H2BC18: variants seen among roughly 807,000 people sequenced by gnomAD.
H2BC18 encodes the protein H2B clustered histone 18, also known as histone H2B type 2-F.
A neutral mutation model predicts 6.3 loss-of-function variants in H2BC18; 8 were observed. The ratio of observed to expected loss-of-function variants is 1.28; its 90% CI spans 0.75 to 2.31. H2BC18 has a LOEUF of 2.31. Among genes scored for constraint, H2BC18 ranks in the 30% most tolerant of loss-of-function variants. The pLI, the probability that H2BC18 is intolerant of heterozygous loss-of-function variation, is 0.00. For missense variants in H2BC18, 106 were observed against 174.5 expected (o/e 0.61, Z 2.21); for synonymous variants, 104 against 78.1 (o/e 1.33, Z -1.75).
chr1:149,807,531 C>G (rs1238792560), downstream of H2BC18, among the ~76,000 whole-genome samples: 6 of 20,598 alleles, frequency 2.9e-4, no homozygotes, highest in Non-Finnish European at 4.4e-4. Context: ...GGGGGGCGGG[C>G]ATGGTGGTAC....
chr1:149,803,379 T>C (rs2788801), intron 1 of H2BC18, among the ~76,000 whole-genome samples: 1 of 152,238 alleles, frequency 6.6e-6, no homozygotes, highest in Non-Finnish European at 1.5e-5. Context: ...TACCCTCTGG[T>C]AATTTGCAGT....
chr1:149,797,716 GCCTC>G (rs1207746797), intron 1 of H2BC18, among the ~76,000 whole-genome samples: 1 of 152,060 alleles, frequency 6.6e-6, no homozygotes, highest in Non-Finnish European at 1.5e-5. Context: ...TCCTGCCTCG[GCCTC>G]CCTAGCAGTT....
At chr1:149,808,663 T>C (rs2091945725), downstream of H2BC18, among the ~76,000 whole-genome samples, 1 of 152,268 alleles carries the variant, frequency 6.6e-6, no homozygotes, top group African/African-American at 2.4e-5. Context: ...GGTCTACTTT[T>C]ACTTTTCAAA....
At chr1:149,786,254 TA>T (rs1459173739) in intron 1 of H2BC18, 5 of 152,220 alleles carry the variant, frequency 3.3e-5, no homozygotes, top group African/African-American at 4.8e-5. Flanking sequence ...TCCTTTTTTG[TA>T]AGGTCTTTTT....
chr1:149,811,794 G>A (rs2101506166), downstream of H2BC18: 3 of 688,064 alleles, frequency 4.4e-6, no homozygotes, highest in Admixed American at 2.9e-5. Context: ...AAACCCGAAT[G>A]CATCCGTGAC....
intron 1 of H2BC18, among the ~76,000 whole-genome samples, chr1:149,800,443 C>T (rs2091854976): frequency 6.8e-6 from 1 of 147,606 alleles, no homozygotes; most frequent in South Asian, 2.3e-4. Flanking sequence ...TAATCCTCCC[C>T]TTGTTCTTTC....
chr1:149,788,958 T>C (rs1345371109), intron 1 of H2BC18, among the ~76,000 whole-genome samples: 5 of 151,790 alleles, frequency 3.3e-5, no homozygotes, highest in African/African-American at 1.2e-4. Context: ...AATAATACCA[T>C]GGAATCTCAT....
intron 1 of H2BC18, among the ~76,000 whole-genome samples, chr1:149,800,459 A>G (rs1403650615): frequency 1.4e-5 from 2 of 145,640 alleles, no homozygotes; most frequent in Non-Finnish European, 3.0e-5. Context: ...CTTTCTGGTC[A>G]CCAGCCCCCA....
Position 149,789,393 on chromosome 1 carries a change from AAATAAT to A in H2BC18, c.378-6139_378-6134del, listed in dbSNP as rs781855250. 1.6e-4 allele frequency among the ~76,000 whole-genome samples: 24 copies of A among 148,782 alleles called. 1 individual carries two copies. The highest frequency in any genetic ancestry group is 1.3e-3 in the Admixed American group (20 of 15,016). ...GGGCAACAGAGCGAGACTACGTCTCAAATAATAATAATAATAATAATAATAATGATG... is the reference window on the plus strand; with the variant it reads ...GGGCAACAGAGCGAGACTACGTCTCAAATAATAATAATAATAATAATGATG... On this transcript the variant is annotated intron_variant, in intron 1 of 1. Coordinates refer to the H2BC18 transcript ENST00000545683.
intron 1 of H2BC18, among the ~76,000 whole-genome samples, chr1:149,801,779 T>C (rs1221983530): frequency 1.3e-5 from 2 of 151,958 alleles, no homozygotes; most frequent in African/African-American, 4.8e-5. Flanking sequence ...TCTACATTAC[T>C]CAAGCATGCT....
At chr1:149,806,954 T>C (rs1244029984), downstream of H2BC18, among the ~76,000 whole-genome samples, 5 of 152,104 alleles carry the variant, frequency 3.3e-5, no homozygotes, top group South Asian at 8.3e-4. Flanking sequence ...AGGAGGAGTA[T>C]GGGAATGATA....
downstream of H2BC18, chr1:149,811,722 A>G (rs2091976749): frequency 1.5e-6 from 1 of 674,618 alleles, no homozygotes; most frequent in African/African-American, 1.8e-5. Context: ...CAACTCAGTA[A>G]GACTGGACGG....
downstream of H2BC18, chr1:149,810,301 A>T (rs1435922186): frequency 6.6e-6 from 1 of 151,854 alleles, no homozygotes; most frequent in Non-Finnish European, 1.5e-5. Flanking sequence ...TTTCAACGGA[A>T]ATTTTGGATT....
downstream of H2BC18, among the ~76,000 whole-genome samples, chr1:149,807,375 C>A (rs587603127): frequency 1.1e-3 from 164 of 151,988 alleles, no homozygotes; most frequent in African/African-American, 3.9e-3. Flanking sequence ...ACCTGTAGTC[C>A]CAGCTACTCA....
chr1:149,800,205 G>A (rs2091851341), intron 1 of H2BC18, among the ~76,000 whole-genome samples: 1 of 152,208 alleles, frequency 6.6e-6, no homozygotes, highest in African/African-American at 2.4e-5. Flanking sequence ...AAGTATGGGG[G>A]AAGGAGCATG....
intron 1 of H2BC18, among the ~76,000 whole-genome samples, chr1:149,784,476 TG>T (rs2091486381): frequency 1.3e-5 from 2 of 152,248 alleles, no homozygotes; most frequent in South Asian, 4.1e-4. Context: ...CTAAGTAGGA[TG>T]TCTAGAGTAA....
intron 1 of H2BC18, among the ~76,000 whole-genome samples, chr1:149,806,688 C>A (rs1281593298): frequency 1.3e-5 from 2 of 152,062 alleles, no homozygotes; most frequent in Non-Finnish European, 2.9e-5. Context: ...TCAGGGAAGA[C>A]CTCAATGACA....
intron 1 of H2BC18, among the ~76,000 whole-genome samples, chr1:149,789,262 G>A (rs1467009582): frequency 2.6e-5 from 4 of 151,862 alleles, no homozygotes; most frequent in African/African-American, 7.3e-5. Context: ...GAAATGTGGC[G>A]GGCACCTGTA....
chr1:149,800,274 T>C (rs1553753176), intron 1 of H2BC18, among the ~76,000 whole-genome samples: 3 of 152,254 alleles, frequency 2.0e-5, no homozygotes, highest in Non-Finnish European at 1.5e-5. Flanking sequence ...CATGTTCAGC[T>C]ATCCAGAAGC....
Sources: allele counts gnomAD v4.1 joint callset (sites outside exome capture counted in the v4.1 genomes callset), GRCh38; gene constraint gnomAD v4.1.1; transcripts MANE v1.5; gene names NCBI Gene and HGNC (gene_info 2026-07-23, HGNC 2026-07-21).